Variants in SYT1 observed in about 807,000 individuals in gnomAD.
SYT1 encodes the protein synaptotagmin-1.
SYT1 carries 8 observed loss-of-function variants against 44.8 expected under a neutral mutation model. That is an observed-to-expected ratio of 0.18 (90% confidence interval 0.10 to 0.32). The LOEUF (loss-of-function observed/expected upper bound fraction) is 0.32, where lower values mean the gene tolerates loss of function less well. Among genes scored for constraint, SYT1 ranks in the 10% least tolerant of loss-of-function variants. The pLI, the probability that SYT1 is intolerant of heterozygous loss-of-function variation, is 1.00. For synonymous variants in SYT1, 154 were observed against 188.8 expected (o/e 0.82, Z 1.51); for missense variants, 286 against 509.3 (o/e 0.56, Z 4.22).
chr12:79,397,411 A>G (rs1884909333), intron 9 of SYT1, among the ~76,000 whole-genome samples: 1 of 151,732 alleles, frequency 6.6e-6, no homozygotes, highest in Non-Finnish European at 1.5e-5. Context: ...ATTTTTCTGT[A>G]GAGAGGGGAG....
At chr12:79,026,662 ATATTT>A (rs1415167367) in intron 2 of SYT1, among the ~76,000 whole-genome samples, 8 of 78,926 alleles carry the variant, frequency 1.0e-4, no homozygotes, top group African/African-American at 4.2e-4. Flanking sequence ...ATATACATAT[ATATTT>A]TATATATATA....
At chr12:79,030,759 C>A (rs1196056914) in intron 2 of SYT1, among the ~76,000 whole-genome samples, 4 of 150,924 alleles carry the variant, frequency 2.7e-5, no homozygotes, top group Non-Finnish European at 5.9e-5. Context: ...TTTGGTGAGG[C>A]CATCCCAAAA....
intron 3 of SYT1, among the ~76,000 whole-genome samples, chr12:79,139,649 T>G (rs1229057577): frequency 6.6e-6 from 1 of 152,242 alleles, no homozygotes; most frequent in African/African-American, 2.4e-5. Flanking sequence ...ATAATACCTA[T>G]TCCCAAATAT....
chr12:78,892,511 C>T (rs950580686), intron 1 of SYT1, among the ~76,000 whole-genome samples: 4 of 151,428 alleles, frequency 2.6e-5, no homozygotes, highest in African/African-American at 9.7e-5. Context: ...CAGTTGTTTC[C>T]CTTTCCCCAC....
chr12:79,179,478 G>C (rs940907374), intron 3 of SYT1, among the ~76,000 whole-genome samples: 1 of 17,980 alleles, frequency 5.6e-5, no homozygotes, highest in Non-Finnish European at 1.4e-4. Context: ...TATAGATATA[G>C]AGATATAGAT....
intron 8 of SYT1, among the ~76,000 whole-genome samples, chr12:79,346,325 A>T (rs1414039607): frequency 6.6e-6 from 1 of 152,120 alleles, no homozygotes; most frequent in Non-Finnish European, 1.5e-5. Flanking sequence ...GCATTTTTTT[A>T]AAAATAATGA....
chr12:79,244,153 C>G (rs923519682), intron 4 of SYT1, among the ~76,000 whole-genome samples: 5 of 152,308 alleles, frequency 3.3e-5, no homozygotes, highest in African/African-American at 1.2e-4. Flanking sequence ...AGACTTCATA[C>G]TGATAATTAT....
At chr12:79,286,350 T>A (rs560385817) in intron 5 of SYT1, among the ~76,000 whole-genome samples, 1 of 152,288 alleles carries the variant, frequency 6.6e-6, no homozygotes, top group Admixed American at 6.5e-5. Flanking sequence ...TCTTTCTAAT[T>A]TCTACTGTTC....
chr12:79,164,780 C>A (rs188142707), intron 3 of SYT1, among the ~76,000 whole-genome samples: 33 of 151,996 alleles, frequency 2.2e-4, no homozygotes, highest in African/African-American at 7.0e-4. Flanking sequence ...AAGAAATATC[C>A]AGCTTTTACA....
chr12:79,330,386 T>C (rs1044326932), intron 8 of SYT1, among the ~76,000 whole-genome samples: 3 of 152,236 alleles, frequency 2.0e-5, no homozygotes, highest in African/African-American at 4.8e-5. Flanking sequence ...AGTATCGTAC[T>C]GGCATGATGC....
chr12:79,021,896 C>T (rs1872217998), intron 2 of SYT1, among the ~76,000 whole-genome samples: 1 of 151,530 alleles, frequency 6.6e-6, no homozygotes, highest in Non-Finnish European at 1.5e-5. Flanking sequence ...TATTTGTACG[C>T]CCCCTTTTTT....
At chr12:79,143,069 A>T (rs953330926) in intron 3 of SYT1, among the ~76,000 whole-genome samples, 1 of 151,956 alleles carries the variant, frequency 6.6e-6, no homozygotes, top group Non-Finnish European at 1.5e-5. Flanking sequence ...TCCTACATTT[A>T]AAAAAAAGAT....
chr12:79,415,275 G>C (rs1042855443), intron 9 of SYT1, among the ~76,000 whole-genome samples: 1 of 152,066 alleles, frequency 6.6e-6, no homozygotes, highest in African/African-American at 2.4e-5. Context: ...TCATACATGT[G>C]CAAGCATAGA....
At chr12:79,245,441 T>G (rs1473907501) in intron 4 of SYT1, among the ~76,000 whole-genome samples, 4 of 121,346 alleles carry the variant, frequency 3.3e-5, no homozygotes, top group African/African-American at 9.9e-5. Context: ...GCCACTGCAC[T>G]CCAGCCTGGG....
At chr12:79,275,900 C>T (rs1029388627) in intron 4 of SYT1, among the ~76,000 whole-genome samples, 3 of 152,164 alleles carry the variant, frequency 2.0e-5, no homozygotes, top group African/African-American at 7.2e-5. Flanking sequence ...AACCTGCTTA[C>T]ACATCCAGTA....
At chr12:79,349,029 A>G (rs1340367346) in intron 8 of SYT1, among the ~76,000 whole-genome samples, 2 of 127,980 alleles carry the variant, frequency 1.6e-5, no homozygotes, top group African/African-American at 6.1e-5. Flanking sequence ...GAAAGAAAGA[A>G]AGAAAAAGAA....
At chr12:79,366,945 T>C (rs1229312924) in intron 9 of SYT1, among the ~76,000 whole-genome samples, 1 of 139,466 alleles carries the variant, frequency 7.2e-6, no homozygotes, top group Non-Finnish European at 1.5e-5. Context: ...TGTGTGTGTG[T>C]GTTCAAAGAA....
intron 3 of SYT1, among the ~76,000 whole-genome samples, chr12:79,216,677 T>TA (rs1182163353): frequency 6.6e-6 from 1 of 152,230 alleles, no homozygotes; most frequent in Admixed American, 6.5e-5. Flanking sequence ...ATTACTTTAT[T>TA]AATTATTTTG....
intron 3 of SYT1, among the ~76,000 whole-genome samples, chr12:79,207,914 T>C (rs1435003060): frequency 1.3e-5 from 2 of 152,146 alleles, no homozygotes; most frequent in Admixed American, 6.5e-5. Context: ...GAATTCTCAT[T>C]AACAATATGA....
Sources: gnomAD v4.1 joint callset for allele counts (sites outside exome capture counted in the v4.1 genomes callset) on GRCh38, gnomAD v4.1.1 for gene constraint, MANE v1.5 for transcripts, NCBI Gene and HGNC (gene_info 2026-07-23, HGNC 2026-07-21) for gene names.